Variants in IGSF23 observed in about 807,000 individuals in gnomAD.
IGSF23 encodes the protein immunoglobulin superfamily, member 23.
IGSF23 carries 14 observed loss-of-function variants against 17.8 expected under a neutral mutation model. The observed-to-expected ratio is 0.79, with a 90% CI of 0.52 to 1.23. The LOEUF (loss-of-function observed/expected upper bound fraction) is 1.23, where lower values mean the gene tolerates loss of function less well. Ranked by LOEUF, IGSF23 falls within the 50% of genes most tolerant of loss-of-function variation. The pLI is 0.00. For synonymous variants in IGSF23, 85 were observed against 92.5 expected (o/e 0.92, Z 0.46); for missense variants, 214 against 241.7 (o/e 0.89, Z 0.76).
At chr19:44,613,797 G>A (rs777251715) in intron 1 of IGSF23, 27 bp downstream of exon 1, 37 of 1,549,650 alleles carry the variant, frequency 2.4e-5, no homozygotes, top group Non-Finnish European at 3.0e-5. Flanking sequence ...AGTGGCCAGG[G>A]TAGGGCATGG....
intron 1 of IGSF23, chr19:44,614,132 T>C (rs1019462816): frequency 1.1e-4 from 56 of 522,592 alleles, no homozygotes; most frequent in Admixed American, 1.8e-4. Context: ...TCATGAGAAC[T>C]CTTGAAGGCC....
rs1202608101 is a variant in IGSF23 at position 44,613,735 on chromosome 19, G to A, written c.90G>A (p.Lys30=). The A allele has an allele frequency of 1.9e-6, 3 of 1,550,610 alleles. No individual in the cohort carries two copies. The highest frequency in any genetic ancestry group is 1.7e-6 in the Non-Finnish European group (2 of 1,146,992). ...CCACCACTGACCCGATGCTAGAGAAGGATGCGGCTGGAGGTGACTTCCCAG... is the reference window on the plus strand; with the variant it reads ...CCACCACTGACCCGATGCTAGAGAAAGATGCGGCTGGAGGTGACTTCCCAG... The part of the protein sequence containing the change: ...PTTTTDPMLE[K]DAAGGDFPAN... Residue 30 remains lysine, a synonymous_variant, in exon 1 of 5, where the codon AAG becomes AAA. Transcript: ENST00000402988.
intron 3 of IGSF23, among the ~76,000 whole-genome samples, chr19:44,631,579 G>A (rs1039033709): frequency 6.6e-6 from 1 of 152,174 alleles, no homozygotes; most frequent in African/African-American, 2.4e-5. Context: ...ATATAGAAGT[G>A]TGAAGTGGGA....
At chr19:44,627,337 G>A in intron 2 of IGSF23, 83 bp from the exon 3 acceptor site, 1 of 1,341,552 alleles carries the variant, frequency 7.5e-7, no homozygotes, top group Non-Finnish European at 1.0e-6. Flanking sequence ...AGAGACACTT[G>A]GGAGGGGGAA....
rs867305421 is a variant in IGSF23, at chr19:44,617,191, T to C, written c.125+3421T>C. Among the ~76,000 whole-genome samples the C allele has an allele frequency of 1.4e-4, 14 of 98,194 alleles. No homozygotes were observed. In the Middle Eastern group the frequency reaches 0.033, roughly 231 times the overall value. The allele number at this position is 98,194 out of a possible 152,430, so 64.4% of individuals were successfully genotyped here. A position where few individuals can be genotyped will look rare whatever the true frequency, so the allele number is the denominator to read the frequency against. On this transcript the variant is annotated intron_variant, in intron 1 of 4. Transcript: ENST00000402988. ...CCCCCGCAAAGTGCAGGATTACAGG[T>C]ATGAGCCAACACACCGGCCTACTCT...
chr19:44,623,620 G>T, intron 1 of IGSF23, 87 bp from the exon 2 acceptor site: 1 of 1,265,648 alleles, frequency 7.9e-7, no homozygotes. Flanking sequence ...ATGAAAGAAT[G>T]GATGTCTCTA....
intron 1 of IGSF23, among the ~76,000 whole-genome samples, chr19:44,614,216 T>A (rs1820767040): frequency 6.6e-6 from 1 of 152,026 alleles, no homozygotes; most frequent in Non-Finnish European, 1.5e-5. Flanking sequence ...GGAGAACAGG[T>A]CACCTACCCA....
At chr19:44,624,409 T>A (rs1972595346) in intron 2 of IGSF23, among the ~76,000 whole-genome samples, 2 of 151,684 alleles carry the variant, frequency 1.3e-5, no homozygotes, top group Non-Finnish European at 2.9e-5. Flanking sequence ...CTCAGCCTCC[T>A]GAGTAGCTGG....
chr19:44,619,972 CA>C (rs1476795560), intron 1 of IGSF23, among the ~76,000 whole-genome samples: 2 of 152,156 alleles, frequency 1.3e-5, no homozygotes, highest in African/African-American at 2.4e-5. Context: ...AACAAAGACT[CA>C]AAAAGTTCCA....
intron 3 of IGSF23, among the ~76,000 whole-genome samples, chr19:44,635,191 T>A (rs1192864472): frequency 6.6e-6 from 1 of 152,180 alleles, no homozygotes; most frequent in African/African-American, 2.4e-5. Flanking sequence ...TTCCTCTTCT[T>A]GTAAGGATAC....
chr19:44,623,886 C>T lies in IGSF23; in HGVS notation c.305C>T (p.Ser102Phe), dbSNP rs1308520082. The stretch of plus-strand genomic sequence containing the variant: ...GAGAAGCTGTTCATCCGACGGTTGT[C>T]CTGTGAGCAGCTGGGCACCTACATG... ...MGEKLFIRRLSCEQLGTYMCI... is the reference protein window; with the variant it reads ...MGEKLFIRRLFCEQLGTYMCI... Residue 102 changes from serine to phenylalanine, a missense_variant, in exon 2 of 5, where the codon TCC becomes TTC. Coordinates refer to ENST00000402988, the MANE Select transcript of IGSF23 (RefSeq NM_001205280.2). 4 of 1,550,720 alleles carry T rather than the reference C, an allele frequency of 2.6e-6. No individual in the cohort carries two copies. The highest frequency in any genetic ancestry group is 1.7e-4 in the Middle Eastern group (1 of 6,016).
intron 1 of IGSF23, 160 bp downstream of exon 1, chr19:44,613,930 G>T (rs764892091): frequency 1.9e-6 from 3 of 1,547,180 alleles, no homozygotes; most frequent in Non-Finnish European, 2.6e-6. Flanking sequence ...AACACGAGAT[G>T]AGGGGTCCTC....
intron 3 of IGSF23, among the ~76,000 whole-genome samples, chr19:44,628,013 C>G (rs998481658): frequency 6.7e-6 from 1 of 149,124 alleles, no homozygotes; most frequent in African/African-American, 2.5e-5. Flanking sequence ...GGTGCGATCT[C>G]GGCTCACTGC....
chr19:44,632,873 T>C (rs1972799009), intron 3 of IGSF23, among the ~76,000 whole-genome samples: 1 of 152,250 alleles, frequency 6.6e-6, no homozygotes, highest in African/African-American at 2.4e-5. Context: ...GTTTTTGTCA[T>C]CAGTTGTTCA....
chr19:44,614,140 G>A, intron 1 of IGSF23: 2 of 482,048 alleles, frequency 4.1e-6, no homozygotes, highest in South Asian at 3.5e-5. Context: ...ACTCTTGAAG[G>A]CCACTCCGCC....
chr19:44,628,459 T>C (rs1225472169), intron 3 of IGSF23, among the ~76,000 whole-genome samples: 1 of 152,092 alleles, frequency 6.6e-6, no homozygotes, highest in Non-Finnish European at 1.5e-5. Context: ...AGATAGTATA[T>C]TGGATGGGCC....
At chr19:44,632,313 T>C (rs1449790758) in intron 3 of IGSF23, 1 of 182,398 alleles carries the variant, frequency 5.5e-6, no homozygotes, top group Non-Finnish European at 1.1e-5. Context: ...TGTCAGCCCT[T>C]CTTTAAGGAA....
At position 44,617,298 on chromosome 19, in the gene IGSF23, G is replaced by A. The variant is rs139072983; in HGVS notation, c.125+3528G>A. ...CCAAGAGACGCAGGGATTCTTTTTG[G>A]GGTGACGAAAATGTCCTTAAATTGC... On this transcript the variant is annotated intron_variant, in intron 1 of 4. Transcript: ENST00000402988. Among the ~76,000 whole-genome samples, 82 of 151,918 alleles carry A rather than the reference G, an allele frequency of 5.4e-4. No homozygotes were observed. In the East Asian group the frequency reaches 8.7e-3, roughly 16 times the overall value.
intron 1 of IGSF23, among the ~76,000 whole-genome samples, chr19:44,623,502 G>C (rs1366669912): frequency 6.6e-6 from 1 of 152,248 alleles, no homozygotes; most frequent in Non-Finnish European, 1.5e-5. Flanking sequence ...ACGGGATGCA[G>C]GTGCTGGCCG....
Sources: gnomAD v4.1 joint callset for allele counts (sites outside exome capture counted in the v4.1 genomes callset) on GRCh38, gnomAD v4.1.1 for gene constraint, MANE v1.5 for transcripts, NCBI Gene and HGNC (gene_info 2026-07-23, HGNC 2026-07-21) for gene names.